ANO1: variants seen among roughly 807,000 people sequenced by gnomAD.
ANO1 encodes anoctamin 1, also known as anoctamin-1.
ANO1 carries 59 observed loss-of-function variants against 124.0 expected under a neutral mutation model. The observed-to-expected ratio is 0.48, with a 90% CI of 0.39 to 0.59. The LOEUF (loss-of-function observed/expected upper bound fraction) is 0.59, where lower values mean the gene tolerates loss of function less well. Ranked by LOEUF, ANO1 falls within the 20% of genes least tolerant of loss-of-function variation. The probability of loss-of-function intolerance (pLI) is 0.00; values close to 1 mark genes in which losing one functional copy is unlikely to be tolerated. For missense variants in ANO1, 1,059 were observed against 1,328.0 expected (o/e 0.80, Z 3.15); for synonymous variants, 529 against 532.0 (o/e 0.99, Z 0.08).
chr11:70,181,231 G>A (rs1313945588), intron 23 of ANO1, among the ~76,000 whole-genome samples: 2 of 152,226 alleles, frequency 1.3e-5, no homozygotes, highest in African/African-American at 2.4e-5. Context: ...TGAGGGACAC[G>A]GGGTGGCTCC....
At chr11:70,125,627 G>A (rs577373999) in intron 9 of ANO1, among the ~76,000 whole-genome samples, 1 of 151,836 alleles carries the variant, frequency 6.6e-6, no homozygotes, top group African/African-American at 2.4e-5. Context: ...GGCGGATCAC[G>A]AGGTCAGGAC....
At chr11:70,045,634 C>A (rs1857247885) in intron 1 of ANO1, among the ~76,000 whole-genome samples, 1 of 152,004 alleles carries the variant, frequency 6.6e-6, no homozygotes, top group African/African-American at 2.4e-5. Context: ...ATGACTCATA[C>A]AACTGATTTT....
intron 1 of ANO1, among the ~76,000 whole-genome samples, chr11:69,996,566 C>T (rs1295576616): frequency 6.6e-6 from 1 of 152,190 alleles, no homozygotes; most frequent in African/African-American, 2.4e-5. Flanking sequence ...GAATGGCCTG[C>T]ATTTCATCCA....
At chr11:70,175,013 C>T (rs1464049074) in intron 22 of ANO1, among the ~76,000 whole-genome samples, 6 of 152,200 alleles carry the variant, frequency 3.9e-5, no homozygotes, top group African/African-American at 9.6e-5. Flanking sequence ...ACCCCACCCC[C>T]GCCCGCCACC....
chr11:70,166,286 C>A (rs2135736905), intron 20 of ANO1, among the ~76,000 whole-genome samples: 1 of 152,220 alleles, frequency 6.6e-6, no homozygotes, highest in Non-Finnish European at 1.5e-5. Flanking sequence ...CCACTGCACT[C>A]CAGCCTGGGC....
chr11:70,133,657 C>T (rs2046846356), intron 11 of ANO1, among the ~76,000 whole-genome samples: 1 of 152,214 alleles, frequency 6.6e-6, no homozygotes, highest in African/African-American at 2.4e-5. Flanking sequence ...AGGCTGCATT[C>T]GGGGCTGGTG....
At chr11:70,063,924 T>C (rs1320618181) in intron 1 of ANO1, 2 of 152,224 alleles carry the variant, frequency 1.3e-5, no homozygotes, top group African/African-American at 4.8e-5. Context: ...CTTTTTTACC[T>C]GGGGAAAAAG....
chr11:70,085,146 T>C (rs2044323380), intron 1 of ANO1, among the ~76,000 whole-genome samples: 1 of 152,126 alleles, frequency 6.6e-6, no homozygotes, highest in African/African-American at 2.4e-5. Flanking sequence ...GGCCTCAGTT[T>C]CCTCCTTGGC....
upstream of ANO1, among the ~76,000 whole-genome samples, chr11:69,982,342 C>T (rs1353318200): frequency 6.6e-6 from 1 of 152,178 alleles, no homozygotes; most frequent in Non-Finnish European, 1.5e-5. Flanking sequence ...TTGGTGCTTC[C>T]ACCCAGCCTC....
chr11:70,184,900 C>T (rs1447727625), intron 24 of ANO1, among the ~76,000 whole-genome samples: 2 of 152,118 alleles, frequency 1.3e-5, no homozygotes, highest in Non-Finnish European at 2.9e-5. Flanking sequence ...GCGTGCACTG[C>T]CAGGCCCGGC....
At chr11:70,121,166 C>T (rs1373913531) in intron 8 of ANO1, among the ~76,000 whole-genome samples, 4 of 144,660 alleles carry the variant, frequency 2.8e-5, no homozygotes, top group East Asian at 2.3e-4. Flanking sequence ...GTCCCTGTCT[C>T]GCTCCCTCCC....
chr11:70,134,717 A>T (rs1263847952), intron 11 of ANO1, among the ~76,000 whole-genome samples: 1 of 152,162 alleles, frequency 6.6e-6, no homozygotes, highest in Non-Finnish European at 1.5e-5. Context: ...GGAGCTACTC[A>T]TCGGCCCATG....
At chr11:70,087,375 C>T (rs2044425522) in intron 1 of ANO1, among the ~76,000 whole-genome samples, 1 of 152,140 alleles carries the variant, frequency 6.6e-6, no homozygotes, top group South Asian at 2.1e-4. Flanking sequence ...CTTATTCTTT[C>T]TCATTATTTT....
chr11:70,091,232 G>C (rs1382812199), intron 2 of ANO1, among the ~76,000 whole-genome samples: 2 of 152,160 alleles, frequency 1.3e-5, no homozygotes, highest in Non-Finnish European at 2.9e-5. Context: ...ACGAGCAAAG[G>C]GTTTGCGATT....
chr11:70,091,517 T>TG (rs756874502), intron 2 of ANO1, among the ~76,000 whole-genome samples: 3 of 152,218 alleles, frequency 2.0e-5, no homozygotes, highest in East Asian at 3.9e-4. Context: ...CCAGTGTACG[T>TG]GGGGGGCAAA....
In ANO1 at chr11:70,031,739, G is replaced by A. The variant is rs555107922; in HGVS notation, c.58+45573G>A. Among the ~76,000 whole-genome samples the A allele has an allele frequency of 1.8e-3, 274 of 152,308 alleles. 2 individuals are homozygous for A. Among genetic ancestry groups the A allele is most frequent in the African/African-American group, 6.2e-3 (257 of 41,574 alleles). ...GGCTGTCACTGCCGCTGTCACTACA[G>A]GTGTTGACCGGGCACCAGGGCACAC... On this transcript the variant is annotated intron_variant, in intron 1 of 27. Transcript: ENST00000531349.
At chr11:69,994,103 A>C (rs1349643129) in intron 1 of ANO1, among the ~76,000 whole-genome samples, 16 of 149,006 alleles carry the variant, frequency 1.1e-4, no homozygotes, top group African/African-American at 2.3e-4. Flanking sequence ...TTTGTCGTTA[A>C]CCCCCCCCCA....
intron 11 of ANO1, among the ~76,000 whole-genome samples, chr11:70,147,267 C>T (rs995128221): frequency 2.0e-5 from 3 of 152,232 alleles, no homozygotes; most frequent in Non-Finnish European, 2.9e-5. Flanking sequence ...GAATGGATGG[C>T]CTCCTCCACT....
chr11:70,154,157 C>T (rs879382868), intron 14 of ANO1, among the ~76,000 whole-genome samples: 6 of 152,164 alleles, frequency 3.9e-5, no homozygotes, highest in Non-Finnish European at 7.3e-5. Context: ...TGGAGATGCC[C>T]GCACTGACCC....
Sources: allele counts gnomAD v4.1 joint callset (sites outside exome capture counted in the v4.1 genomes callset), GRCh38; gene constraint gnomAD v4.1.1; transcripts MANE v1.5; gene names NCBI Gene and HGNC (gene_info 2026-07-23, HGNC 2026-07-21).